The following KANK3 variants were observed in gnomAD, a reference collection of about 807,000 sequenced individuals.
KANK3 encodes the protein KN motif and ankyrin repeat domains 3.
In KANK3, 61 loss-of-function variants were observed where a neutral mutation model predicts 65.4. The ratio of observed to expected loss-of-function variants is 0.93; its 90% confidence interval spans 0.76 to 1.15. KANK3 has a LOEUF of 1.15. Among genes scored for constraint, KANK3 ranks in the 50% most tolerant of loss-of-function variants. The pLI, the probability that KANK3 is intolerant of heterozygous loss-of-function variation, is 0.00. For missense variants in KANK3, 1,187 were observed against 1,178.8 expected (o/e 1.01, Z -0.10); for synonymous variants, 586 against 543.3 (o/e 1.08, Z -1.09).
intron 10 of KANK3, among the ~76,000 whole-genome samples, 175 bp downstream of exon 10, chr19:8,324,274 G>T (rs1454861612): frequency 1.3e-5 from 2 of 152,246 alleles, no homozygotes; most frequent in African/African-American, 2.4e-5. Flanking sequence ...GGGTTACAGA[G>T]TGAGACCCTG....
At chr19:8,340,484 C>A (rs914043372) in intron 1 of KANK3, among the ~76,000 whole-genome samples, 4 of 152,092 alleles carry the variant, frequency 2.6e-5, no homozygotes, top group African/African-American at 9.7e-5. Context: ...CCTGCCACAG[C>A]TTCTGACTGC....
intron 7 of KANK3, among the ~76,000 whole-genome samples, chr19:8,327,229 G>A (rs1204656937): frequency 6.6e-6 from 1 of 152,098 alleles, no homozygotes; most frequent in East Asian, 1.9e-4. Context: ...GGCCAGGCAT[G>A]GTGACTAACG....
At chr19:8,329,466 C>T (rs533160193) in intron 7 of KANK3, among the ~76,000 whole-genome samples, 1 of 133,416 alleles carries the variant, frequency 7.5e-6, no homozygotes, top group East Asian at 2.1e-4. Context: ...TGCACTCCAG[C>T]CAGGCAACAG....
intron 10 of KANK3, among the ~76,000 whole-genome samples, chr19:8,323,981 C>G (rs1970372953): frequency 6.6e-6 from 1 of 152,162 alleles, no homozygotes; most frequent in Non-Finnish European, 1.5e-5. Context: ...ATAAGAGCCT[C>G]CCTGGCAGTA....
chr19:8,337,800 A>G lies in KANK3; in HGVS notation c.29T>C (p.Leu10Pro), dbSNP rs768364475. Residue 10 changes from leucine to proline, a missense_variant, in exon 2 of 11, where the codon CTG becomes CCG. Coordinates refer to ENST00000330915, the MANE Select transcript of KANK3 (RefSeq NM_198471.3). Reference sequence around the variant, plus strand: ...CTCTCTTTTTGCACACTCACCGGGCAGGTTCTGATTCAGGGCAAACTTGGC... The same window carrying G: ...CTCTCTTTTTGCACACTCACCGGGCGGGTTCTGATTCAGGGCAAACTTGGC... MAKFALNQN[L>P]PDLGGPRLCP... 6.2e-7 allele frequency: 1 copy of G among 1,613,334 alleles called. No individual in the cohort carries two copies. The highest frequency in any genetic ancestry group is 1.1e-5 in the South Asian group (1 of 91,084).
chr19:8,329,170 CAAA>C (rs35053290), intron 7 of KANK3, among the ~76,000 whole-genome samples: 11 of 90,170 alleles, frequency 1.2e-4, no homozygotes, highest in Admixed American at 1.2e-4. Context: ...GACTCCATCT[CAAA>C]AAAAAAAAAA....
chr19:8,324,790 C>CT lies in KANK3; in HGVS notation c.2122_2123insA (p.Arg708GlnfsTer14). The stretch of plus-strand genomic sequence containing the variant: ...CAGTAGGGTTGCCACCATGTCCTGT[C>CT]GGCCATGGCTGATGGCCAGCATGAG... On this transcript the variant is annotated frameshift_variant, in exon 9 of 11. Coordinates refer to ENST00000330915, the MANE Select transcript of KANK3 (RefSeq NM_198471.3). LOFTEE classifies it high-confidence loss of function. 1 of 1,613,668 alleles carries CT rather than the reference C, an allele frequency of 6.2e-7. No individual in the cohort carries two copies. Among genetic ancestry groups the CT allele is most frequent in the Non-Finnish European group, 8.5e-7 (1 of 1,179,876 alleles).
rs1228632168 is a variant in KANK3 at position 8,324,710 on chromosome 19, ACAT to A, written c.2200_2202del (p.Met734del). ...TCCAGGCGCCCATACTCACTGGCACACATCAGCGCTGTGGCCCCATCCGCATCC... is the reference window on the plus strand; with the variant it reads ...TCCAGGCGCCCATACTCACTGGCACACAGCGCTGTGGCCCCATCCGCATCC... On this transcript the variant is annotated inframe_deletion, in exon 9 of 11. Transcript: ENST00000330915. 3 of 1,613,924 alleles carry A rather than the reference ACAT, an allele frequency of 1.9e-6. No individual in the cohort carries two copies. Among genetic ancestry groups the A allele is most frequent in the Non-Finnish European group, 2.5e-6 (3 of 1,180,034 alleles).
At chr19:8,329,476 G>C (rs932678566) in intron 7 of KANK3, among the ~76,000 whole-genome samples, 3 of 109,096 alleles carry the variant, frequency 2.7e-5, no homozygotes, top group Non-Finnish European at 5.0e-5. Flanking sequence ...CCAGGCAACA[G>C]AGCAAGACTC....
Position 8,337,839 on chromosome 19 carries a change from G to A in KANK3, c.-11C>T. ...GGCAAACTTGGCCATGTTTCCTGCA[G>A]CAGCTGTCAGAGGCACCCTGCAAAA... is the stretch of plus-strand genomic sequence containing the variant. On this transcript the variant is annotated 5_prime_UTR_variant, in exon 2 of 11. Transcript: ENST00000330915. 1 of 1,613,438 alleles carries A rather than the reference G, an allele frequency of 6.2e-7. No homozygotes were observed. Among genetic ancestry groups the A allele is most frequent in the Non-Finnish European group, 8.5e-7 (1 of 1,179,988 alleles).
chr19:8,334,535 C>G lies in KANK3; in HGVS notation c.1292G>C (p.Gly431Ala). ...APSLTQESSPGSMDGDRAVAP... is the reference protein window; with the variant it reads ...APSLTQESSPASMDGDRAVAP... ...CACGGCCCTGTCTCCGTCCATGGAT[C>G]CGGGCGAGCTCTCCTGAGTCAAGGA... is the stretch of plus-strand genomic sequence containing the variant. The change falls in exon 3 of 11, where the codon GGA becomes GCA. Residue 431 changes from glycine (G) to alanine (A), a missense_variant. By Grantham distance (60) the Gly-to-Ala change is moderately conservative (BLOSUM62 0). Coordinates refer to ENST00000330915, the MANE Select transcript of KANK3 (RefSeq NM_198471.3). 6.2e-7 allele frequency: 1 copy of G among 1,602,946 alleles called. No individual in the cohort carries two copies. Among genetic ancestry groups the G allele is most frequent in the Non-Finnish European group, 8.5e-7 (1 of 1,179,498 alleles).
rs774082128 is a variant in KANK3, at chr19:8,324,959, C to A, written c.2074G>T (p.Ala692Ser). The A allele has an allele frequency of 2.5e-6, 4 of 1,613,522 alleles. No individual in the cohort carries two copies. Among genetic ancestry groups the A allele is most frequent in the Non-Finnish European group, 1.7e-6 (2 of 1,179,768 alleles). ...TGGGGGCGCCCACGCACCTGACTGG[C>A]CTTGGCATTGACATCACCCATGCAG... ...LFCMGDVNAK[A>S]SQTGQTALML... Residue 692 changes from alanine (A) to serine (S), a missense_variant, in exon 8 of 11, where the codon GCC (alanine) becomes TCC (serine). Physicochemically the swap from Ala to Ser is moderately conservative, Grantham distance 99. Around this residue, in one of 3 missense-constraint regions of KANK3, gnomAD observed 1,078 missense variants for 1,038.2 expected, o/e 1.04. Transcript: ENST00000330915.
In KANK3 at chr19:8,333,064, T is replaced by C. The variant is rs1026411443; in HGVS notation, c.1886A>G (p.Tyr629Cys). 5 of 1,452,994 alleles carry C rather than the reference T, an allele frequency of 3.4e-6. No individual in the cohort carries two copies. The highest frequency in any genetic ancestry group is 4.6e-6 in the Non-Finnish European group (5 of 1,079,042). The allele number at this position is 1,452,994 out of a possible 1,614,324, so 90.0% of individuals were successfully genotyped here. The change falls in exon 7 of 11, where the codon TAC (tyrosine) becomes TGC (cysteine). Residue 629 changes from tyrosine to cysteine, a missense_variant. By Grantham distance (194) the Tyr-to-Cys change is radical. Coordinates refer to ENST00000330915, the MANE Select transcript of KANK3 (RefSeq NM_198471.3). The surrounding 1 kb of genome is among the most constrained non-coding windows in gnomAD (Gnocchi z 5.0). ...GGCCAGGTTCCCGTGGGACACACTGTAGTGCAGGGCCGTGTTCCCGTTGCC... is the reference window on the plus strand; with the variant it reads ...GGCCAGGTTCCCGTGGGACACACTGCAGTGCAGGGCCGTGTTCCCGTTGCC... ...ADGNGNTALH[Y>C]SVSHGNLAIA...
At chr19:8,338,775 T>C (rs1279735696) in intron 1 of KANK3, among the ~76,000 whole-genome samples, 1 of 145,638 alleles carries the variant, frequency 6.9e-6, no homozygotes, top group Non-Finnish European at 1.5e-5. Flanking sequence ...CTCGGGAGGC[T>C]GAGGCAGGAG....
At chr19:8,332,097 A>G (rs3111569) in intron 7 of KANK3, among the ~76,000 whole-genome samples, 95,358 of 149,228 alleles carry the variant, frequency 0.64, 30,625 homozygotes, top group African/African-American at 0.73. Context: ...GGGTTCAAGT[A>G]ATCCTCGCAC....
intron 10 of KANK3, 125 bp downstream of exon 10, chr19:8,324,324 A>T: frequency 1.3e-6 from 1 of 783,492 alleles, no homozygotes; most frequent in Middle Eastern, 3.3e-4. Flanking sequence ...GAGAATCCAG[A>T]CACTGGTTCT....
intron 2 of KANK3, among the ~76,000 whole-genome samples, chr19:8,337,199 AT>A (rs33926642): frequency 0.1 from 9,187 of 88,534 alleles, 305 homozygotes; most frequent in East Asian, 0.16. Flanking sequence ...TGCCTGGCTA[AT>A]TTTTTTTTTT....
intron 2 of KANK3, 110 bp from the exon 3 acceptor site, chr19:8,335,902 G>A: frequency 2.7e-6 from 2 of 728,916 alleles, no homozygotes; most frequent in Non-Finnish European, 3.8e-6. Flanking sequence ...ACACCTATCT[G>A]TACCCAAGTA....
chr19:8,334,163 G>C, intron 4 of KANK3, 47 bp from the exon 5 acceptor site: 4 of 1,490,208 alleles, frequency 2.7e-6, no homozygotes, highest in South Asian at 1.3e-5. Flanking sequence ...CTGTGGGCTC[G>C]TTCTGGAGTC....
Sources: gnomAD v4.1 joint callset for allele counts (sites outside exome capture counted in the v4.1 genomes callset) on GRCh38, gnomAD v4.1.1 for gene constraint, gnomAD v4.1.1 regional missense constraint, Gnocchi (gnomAD v3.1) non-coding constraint, MANE v1.5 for transcripts, NCBI Gene and HGNC (gene_info 2026-07-23, HGNC 2026-07-21) for gene names.